SESTD1: variants seen among roughly 807,000 people sequenced by gnomAD.
SESTD1 encodes SEC14 and spectrin domain containing 1.
A neutral mutation model predicts 101.7 loss-of-function variants in SESTD1; 43 were observed. The observed-to-expected ratio is 0.42, with a 90% CI of 0.33 to 0.55. The LOEUF (loss-of-function observed/expected upper bound fraction) is 0.55. Among genes scored for constraint, SESTD1 ranks in the 20% least tolerant of loss-of-function variants. SESTD1 has a pLI of 0.07. For synonymous variants in SESTD1, 283 were observed against 286.8 expected (o/e 0.99, Z 0.13); for missense variants, 647 against 815.1 (o/e 0.79, Z 2.51).
intron 1 of SESTD1, among the ~76,000 whole-genome samples, chr2:179,201,921 A>C (rs1483015153): frequency 4.7e-5 from 2 of 42,292 alleles, no homozygotes; most frequent in Non-Finnish European, 1.2e-4. Flanking sequence ...CTTAAAGTAT[A>C]ATAATAATAA....
intron 3 of SESTD1, among the ~76,000 whole-genome samples, chr2:179,182,437 T>C (rs919464989): frequency 6.6e-6 from 1 of 152,202 alleles, no homozygotes; most frequent in East Asian, 1.9e-4. Context: ...CCTCCATCAT[T>C]AGAATTTTGA....
chr2:179,241,071 ATTAAATAAAAG>A (rs1211744487), intron 1 of SESTD1, among the ~76,000 whole-genome samples: 11 of 152,322 alleles, frequency 7.2e-5, no homozygotes, highest in African/African-American at 2.6e-4. Context: ...AAATACAATA[ATTAAATAAAAG>A]TGCAGTAAAT....
intron 1 of SESTD1, among the ~76,000 whole-genome samples, chr2:179,227,694 T>C (rs984865570): frequency 2.0e-5 from 3 of 152,090 alleles, no homozygotes; most frequent in African/African-American, 7.2e-5. Flanking sequence ...AAAGCTTAGG[T>C]AGGAGGCACC....
chr2:179,143,570 T>C (rs776383442), intron 9 of SESTD1, 22 bp downstream of exon 9: 20 of 1,604,170 alleles, frequency 1.2e-5, no homozygotes, highest in Non-Finnish European at 1.7e-5. Flanking sequence ...AAGAGTTAAA[T>C]ATATTCAAAT....
rs962807418 is a variant in SESTD1, at chr2:179,146,544, CA to C, written c.582-88del. On this transcript the variant is annotated intron_variant, in intron 7 of 17. Coordinates refer to ENST00000428443, the MANE Select transcript of SESTD1 (RefSeq NM_178123.5). ...TTCCTTTACATATAAAAAAACAGAA[CA>C]GGGGCACAAAAGTATGAAAATCTGA... 18 of 1,091,566 alleles carry C rather than the reference CA, an allele frequency of 1.6e-5. No individual in the cohort carries two copies. The African/African-American group carries it at 2.6e-4, about 15-fold the overall frequency. 67.6% of individuals were successfully genotyped at this position (1,091,566 alleles called of 1,614,324 possible). A position where few individuals can be genotyped will look rare whatever the true frequency, so the allele number is the denominator to read the frequency against.
intron 1 of SESTD1, among the ~76,000 whole-genome samples, chr2:179,200,500 C>A (rs1459672062): frequency 6.6e-6 from 1 of 152,004 alleles, no homozygotes; most frequent in Non-Finnish European, 1.5e-5. Flanking sequence ...CTGGAGGCAT[C>A]ACATTACCTG....
At chr2:179,190,406 C>T (rs887231904) in intron 2 of SESTD1, among the ~76,000 whole-genome samples, 45 of 152,234 alleles carry the variant, frequency 3.0e-4, no homozygotes, top group African/African-American at 1.1e-3. Flanking sequence ...GAATTAAAGA[C>T]TTAAACCTAA....
chr2:179,183,255 T>A, intron 2 of SESTD1, 67 bp from the exon 3 acceptor site: 2 of 939,042 alleles, frequency 2.1e-6, no homozygotes, highest in Non-Finnish European at 3.1e-6. Flanking sequence ...TAATATACAT[T>A]TGAATCCAAT....
intron 1 of SESTD1, among the ~76,000 whole-genome samples, chr2:179,209,266 A>G (rs1251812752): frequency 7.4e-6 from 1 of 134,644 alleles, no homozygotes; most frequent in East Asian, 2.0e-4. Flanking sequence ...TGGCAACACA[A>G]TAATACTGGG....
Position 179,109,806 on chromosome 2 carries a change from G to A in SESTD1, c.*93C>T. 3.4e-6 allele frequency: 5 copies of A among 1,471,396 alleles called. No homozygotes were observed. Among genetic ancestry groups the A allele is most frequent in the Non-Finnish European group, 4.6e-6 (5 of 1,092,008 alleles). 91.1% of individuals were successfully genotyped at this position (1,471,396 alleles called of 1,614,324 possible). A position where few individuals can be genotyped will look rare whatever the true frequency, so the allele number is the denominator to read the frequency against. On this transcript the variant is annotated 3_prime_UTR_variant, in exon 18 of 18. Transcript: ENST00000428443. ...AAAAGAAATGAGACTTATTTTGGCT[G>A]TGAAATGCATCTTAAGGTGTGGTGG...
At chr2:179,212,565 A>T (rs189855985) in intron 1 of SESTD1, among the ~76,000 whole-genome samples, 2 of 136,436 alleles carry the variant, frequency 1.5e-5, no homozygotes, top group East Asian at 4.0e-4. Context: ...GGCAGGGCAT[A>T]GCTGAACAAG....
intron 1 of SESTD1, among the ~76,000 whole-genome samples, chr2:179,257,220 GAA>G (rs368736519): frequency 6.7e-6 from 1 of 148,448 alleles, no homozygotes; most frequent in Non-Finnish European, 1.5e-5. Flanking sequence ...CTGCCCTTAT[GAA>G]AAAAAAAGAA....
chr2:179,204,252 G>A (rs1344900570), intron 1 of SESTD1, among the ~76,000 whole-genome samples: 2 of 134,614 alleles, frequency 1.5e-5, no homozygotes, highest in Non-Finnish European at 3.2e-5. Context: ...TCCACGTCTT[G>A]AGCTGTGTAT....
intron 4 of SESTD1, among the ~76,000 whole-genome samples, chr2:179,174,061 G>A (rs1219611933): frequency 1.3e-5 from 2 of 152,092 alleles, no homozygotes; most frequent in Non-Finnish European, 2.9e-5. Flanking sequence ...TTTACCAGAG[G>A]GGCTGGAAAA....
chr2:179,152,665 A>G (rs2105451854), intron 5 of SESTD1, among the ~76,000 whole-genome samples: 1 of 152,298 alleles, frequency 6.6e-6, no homozygotes, highest in African/African-American at 2.4e-5. Context: ...GCTTTGCCGG[A>G]AGAGGGAAAA....
intron 1 of SESTD1, among the ~76,000 whole-genome samples, chr2:179,228,017 A>G (rs532756379): frequency 6.6e-6 from 1 of 152,292 alleles, no homozygotes; most frequent in East Asian, 1.9e-4. Context: ...CTCACTGCTT[A>G]AAGAACTAGA....
At chr2:179,164,808 C>T (rs2045806366) in intron 5 of SESTD1, among the ~76,000 whole-genome samples, 1 of 152,110 alleles carries the variant, frequency 6.6e-6, no homozygotes, top group Non-Finnish European at 1.5e-5. Flanking sequence ...ACCAAAATGA[C>T]CACTGGGTGT....
intron 1 of SESTD1, among the ~76,000 whole-genome samples, chr2:179,229,589 A>G (rs993891394): frequency 6.6e-6 from 1 of 151,792 alleles, no homozygotes; most frequent in Non-Finnish European, 1.5e-5. Context: ...TTTTGTTTCT[A>G]TTTCTCTGGA....
At chr2:179,190,286 G>A (rs2046301472) in intron 2 of SESTD1, among the ~76,000 whole-genome samples, 1 of 151,866 alleles carries the variant, frequency 6.6e-6, no homozygotes, top group Non-Finnish European at 1.5e-5. Context: ...AACACGCAAT[G>A]GGGAAAGAAC....
Sources: allele counts gnomAD v4.1 joint callset (sites outside exome capture counted in the v4.1 genomes callset), GRCh38; gene constraint gnomAD v4.1.1; transcripts MANE v1.5; gene names NCBI Gene and HGNC (gene_info 2026-07-23, HGNC 2026-07-21).